CEBPZ: variants seen among roughly 807,000 people sequenced by gnomAD.
CEBPZ encodes CCAAT/enhancer-binding protein zeta.
A neutral mutation model predicts 104.5 loss-of-function variants in CEBPZ; 78 were observed. That is an observed-to-expected ratio of 0.75 (90% confidence interval 0.62 to 0.90). The LOEUF (loss-of-function observed/expected upper bound fraction) is 0.90. CEBPZ is among the 40% of genes least tolerant of loss of function. CEBPZ has a pLI of 0.00. For missense variants in CEBPZ, 1,439 were observed against 1,233.5 expected, an observed-to-expected ratio of 1.17 and a Z score of -2.50; for synonymous variants, 470 against 427.0, an observed-to-expected ratio of 1.10 and a Z score of -1.24.
At position 37,211,837 on chromosome 2, in the gene CEBPZ, G is replaced by C. The variant is rs1174781448; in HGVS notation, c.2800+6C>G. The C allele has an allele frequency of 1.9e-6, 3 of 1,573,308 alleles. No homozygotes were observed. Among genetic ancestry groups the C allele is most frequent in the Non-Finnish European group, 2.6e-6 (3 of 1,163,136 alleles). ...CAGTTTATGTCTTATTTTAAAAAATGCTTACCTGGAACGCTCTCACTTTCA... is the reference window on the plus strand; with the variant it reads ...CAGTTTATGTCTTATTTTAAAAAATCCTTACCTGGAACGCTCTCACTTTCA... On this transcript the variant is annotated splice_donor_region_variant and intron_variant, in intron 12 of 15. Coordinates refer to ENST00000234170, the MANE Select transcript of CEBPZ (RefSeq NM_005760.3).
In CEBPZ at chr2:37,231,575, A is replaced by G; in HGVS notation, c.-8T>C. On this transcript the variant is annotated 5_prime_UTR_variant, in exon 1 of 16. Transcript: ENST00000234170. ...CTCCTTGACTGCGGCCATGGCGGGC[A>G]AAGCATACGCGCGTGAAACTCAGCC... The G allele has an allele frequency of 3.7e-6, 6 of 1,614,222 alleles. No individual in the cohort carries two copies. The highest frequency in any genetic ancestry group is 1.3e-5 in the African/African-American group (1 of 75,066).
intron 2 of CEBPZ, among the ~76,000 whole-genome samples, chr2:37,224,539 T>G (rs1664840653): frequency 2.0e-5 from 3 of 152,098 alleles, no homozygotes; most frequent in Admixed American, 1.3e-4. Context: ...TCTGGATTAT[T>G]CAATTTTCTC....
Position 37,223,228 on chromosome 2 carries a change from A to T in CEBPZ, c.1823T>A (p.Leu608His). ...MPPFICGALY[L>H]VSEILKAKPG... ...TTTTGCTTTAAGGATCTCAGACACA[A>T]GATATAAAGCTCCACATATAAATGG... Residue 608 changes from leucine (L) to histidine (H), a missense_variant, in exon 3 of 16, where the codon CTT (leucine) becomes CAT (histidine). Leu to His is a moderately conservative substitution (Grantham distance 99). Transcript: ENST00000234170. 1 of 1,614,198 alleles carries T rather than the reference A, an allele frequency of 6.2e-7. No individual in the cohort carries two copies. The highest frequency in any genetic ancestry group is 8.5e-7 in the Non-Finnish European group (1 of 1,180,024).
intron 5 of CEBPZ, among the ~76,000 whole-genome samples, chr2:37,219,488 G>A (rs1206959678): frequency 1.3e-5 from 2 of 151,810 alleles, no homozygotes; most frequent in Admixed American, 6.6e-5. Context: ...TTCAGGATAA[G>A]CTGCAGCAGT....
At chr2:37,213,067 A>C (rs978556164) in intron 10 of CEBPZ, among the ~76,000 whole-genome samples, 2 of 151,952 alleles carry the variant, frequency 1.3e-5, no homozygotes, top group African/African-American at 2.4e-5. Flanking sequence ...CAAACCCCCC[A>C]AAAAACAACA....
chr2:37,204,804 T>A (rs1038263866), intron 13 of CEBPZ: 5 of 152,252 alleles, frequency 3.3e-5, no homozygotes, highest in African/African-American at 1.2e-4. Context: ...TCCAAAACTA[T>A]TATCAATTGA....
chr2:37,210,940 GATA>G (rs1677701821), intron 13 of CEBPZ, 56 bp downstream of exon 13: 1 of 1,131,882 alleles, frequency 8.8e-7, no homozygotes, highest in Non-Finnish European at 1.3e-6. Flanking sequence ...TTCCCAAAAT[GATA>G]ATGACACCTT....
Position 37,227,530 on chromosome 2 carries a change from G to A in CEBPZ, c.1649+14C>T. The A allele has an allele frequency of 6.4e-7, 1 of 1,572,128 alleles. No homozygotes were observed. On this transcript the variant is annotated intron_variant, in intron 2 of 15. Coordinates refer to ENST00000234170, the MANE Select transcript of CEBPZ (RefSeq NM_005760.3). ...TATTATTTCATGTCTCATATTGGAAGGGTATGTTCTTACCTGTATAATGCT... is the reference window on the plus strand; with the variant it reads ...TATTATTTCATGTCTCATATTGGAAAGGTATGTTCTTACCTGTATAATGCT...
At chr2:37,230,740 C>G (rs1452993295) in intron 1 of CEBPZ, among the ~76,000 whole-genome samples, 1 of 152,148 alleles carries the variant, frequency 6.6e-6, no homozygotes, top group Non-Finnish European at 1.5e-5. Flanking sequence ...TTTGGCTGCT[C>G]ATGGAATAGG....
intron 13 of CEBPZ, chr2:37,210,034 T>C (rs1677669276): frequency 6.6e-6 from 1 of 152,138 alleles, no homozygotes; most frequent in Admixed American, 6.5e-5. Flanking sequence ...ATGCTCAACA[T>C]CCCTGATTAT....
intron 4 of CEBPZ, among the ~76,000 whole-genome samples, chr2:37,220,801 G>A (rs2268990): frequency 0.37 from 56,069 of 151,814 alleles, 10,592 homozygotes; most frequent in Middle Eastern, 0.39. Flanking sequence ...GACCAGCCTG[G>A]GCAAAATGGT....
At chr2:37,231,191 C>T (rs1665079243) in intron 1 of CEBPZ, 6 of 713,152 alleles carry the variant, frequency 8.4e-6, no homozygotes, top group South Asian at 7.5e-5. Context: ...CGCCTACATC[C>T]TAAGAATAGC....
intron 15 of CEBPZ, 85 bp downstream of exon 15, chr2:37,202,699 A>AAAAAAAAAAT: frequency 7.2e-6 from 2 of 277,782 alleles, no homozygotes; most frequent in Non-Finnish European, 1.3e-5. Flanking sequence ...AAAAGAATAA[A>AAAAAAAAAAT]TAAAATAACG....
intron 2 of CEBPZ, among the ~76,000 whole-genome samples, chr2:37,224,164 A>G (rs1664830154): frequency 6.6e-6 from 1 of 152,220 alleles, no homozygotes; most frequent in Non-Finnish European, 1.5e-5. Flanking sequence ...ATACCTTTAC[A>G]TGACAGTTTT....
rs374742140 is a variant in CEBPZ, at chr2:37,228,152, C to A, written c.1041G>T (p.Val347=). The change falls in exon 2 of 16, where the codon GTG becomes GTT. Residue 347 remains valine, a synonymous_variant. Transcript: ENST00000234170. ...CATGACTTAAAGTTTCTAAGACCTG[C>A]ACAAATTCAGCCACTAAGTGTTTCA... The part of the protein sequence containing the change: ...HQLKHLVAEF[V]QVLETLSHDT... The A allele has an allele frequency of 5.0e-6, 8 of 1,614,170 alleles. No individual in the cohort carries two copies. Among genetic ancestry groups the A allele is most frequent in the South Asian group, 1.1e-5 (1 of 91,088 alleles).
At chr2:37,213,389 C>T (rs1417301144) in intron 10 of CEBPZ, 1 of 153,222 alleles carries the variant, frequency 6.5e-6, no homozygotes, top group Non-Finnish European at 1.5e-5. Context: ...GGGTGAATTA[C>T]CATATATCAT....
chr2:37,208,895 G>A (rs1478241820), intron 13 of CEBPZ: 1 of 151,834 alleles, frequency 6.6e-6, no homozygotes, highest in East Asian at 1.9e-4. Flanking sequence ...AAACCCTAAA[G>A]ACTCATCCAA....
Position 37,223,396 on chromosome 2 carries a change from A to G in CEBPZ, c.1655T>C (p.Met552Thr). 1 of 1,613,420 alleles carries G rather than the reference A, an allele frequency of 6.2e-7. No individual in the cohort carries two copies. Among genetic ancestry groups the G allele is most frequent in the Non-Finnish European group, 8.5e-7 (1 of 1,179,522 alleles). ...ACACGTCATCAACCCTGGATCCAACATCTTCCTGCAAAACAAAACCAAGGT... is the reference window on the plus strand; with the variant it reads ...ACACGTCATCAACCCTGGATCCAACGTCTTCCTGCAAAACAAAACCAAGGT... ...DRYYTALYRK[M>T]LDPGLMTCSK... is the part of the protein sequence containing the mutation. Residue 552 changes from methionine to threonine, a missense_variant, in exon 3 of 16, where the codon ATG (methionine) becomes ACG (threonine). Coordinates refer to ENST00000234170, the MANE Select transcript of CEBPZ (RefSeq NM_005760.3).
At chr2:37,206,659 G>A (rs146977632) in intron 13 of CEBPZ, among the ~76,000 whole-genome samples, 129 of 152,190 alleles carry the variant, frequency 8.5e-4, no homozygotes, top group African/African-American at 3.1e-3. Context: ...CTCAGCCTAG[G>A]AATTCTAAAT....
Sources: allele counts gnomAD v4.1 joint callset (sites outside exome capture counted in the v4.1 genomes callset), GRCh38; gene constraint gnomAD v4.1.1; transcripts MANE v1.5; gene names NCBI Gene and HGNC (gene_info 2026-07-23, HGNC 2026-07-21).